The following VTCN1 variants were observed in gnomAD, a reference collection of about 807,000 sequenced individuals.
VTCN1 encodes V-set domain containing T cell activation inhibitor 1, also known as V-set domain-containing T-cell activation inhibitor 1.
In VTCN1, 26 loss-of-function variants were observed where a neutral mutation model predicts 26.5. The observed-to-expected ratio is 0.98, with a 90% CI of 0.72 to 1.36. VTCN1 has a LOEUF of 1.36. Among genes scored for constraint, VTCN1 ranks in the 40% most tolerant of loss-of-function variants. The pLI is 0.00. For missense variants in VTCN1, 298 were observed against 337.7 expected (o/e 0.88, Z 0.92); for synonymous variants, 116 against 130.7 (o/e 0.89, Z 0.77).
At chr1:117,180,015 G>C (rs1049929903) in intron 1 of VTCN1, among the ~76,000 whole-genome samples, 2 of 152,078 alleles carry the variant, frequency 1.3e-5, no homozygotes, top group Non-Finnish European at 2.9e-5. Context: ...CAAAAGACTT[G>C]TAAATCTTGG....
intron 1 of VTCN1, among the ~76,000 whole-genome samples, chr1:117,192,545 T>C (rs1437468307): frequency 6.6e-6 from 1 of 152,198 alleles, no homozygotes; most frequent in Non-Finnish European, 1.5e-5. Context: ...AACTGTAGTA[T>C]AAAAGTTAAA....
chr1:117,157,051 T>C, intron 2 of VTCN1, 130 bp from the exon 3 acceptor site: 2 of 1,536,638 alleles, frequency 1.3e-6, no homozygotes, highest in Non-Finnish European at 1.8e-6. Context: ...TGAGAGGCAA[T>C]AAGAAGACAA....
chr1:117,201,568 C>G (rs1648788855), intron 1 of VTCN1, among the ~76,000 whole-genome samples: 1 of 152,194 alleles, frequency 6.6e-6, no homozygotes, highest in South Asian at 2.1e-4. Flanking sequence ...CCCTAATATT[C>G]CTTGCATACT....
Position 117,146,289 on chromosome 1 carries a change from C to G in VTCN1, c.*46-1064G>C, listed in dbSNP as rs1311792004. 6.6e-6 allele frequency among the ~76,000 whole-genome samples: 1 copy of G among 152,158 alleles called. No individual in the cohort carries two copies. Among genetic ancestry groups the G allele is most frequent in the Non-Finnish European group, 1.5e-5 (1 of 68,036 alleles). Reference sequence around the variant, plus strand: ...TCCTTAGGGAAATCTCTGCTGACAACTGTGGAGGATTGGAAATGATGAAAA... The same window carrying G: ...TCCTTAGGGAAATCTCTGCTGACAAGTGTGGAGGATTGGAAATGATGAAAA... On this transcript the variant is annotated intron_variant, in intron 5 of 5. Coordinates refer to ENST00000369458, the MANE Select transcript of VTCN1 (RefSeq NM_024626.4). The surrounding 1 kb of genome is among the most constrained non-coding windows in gnomAD (Gnocchi z 4.2).
Position 117,159,456 on chromosome 1 carries a change from T to A in VTCN1, c.98-2535A>T, listed in dbSNP as rs549621829. 6.6e-6 allele frequency among the ~76,000 whole-genome samples: 1 copy of A among 152,356 alleles called. No individual in the cohort carries two copies. Among genetic ancestry groups the A allele is most frequent in the East Asian group, 1.9e-4 (1 of 5,188 alleles). On this transcript the variant is annotated intron_variant, in intron 2 of 5. Coordinates refer to ENST00000369458, the MANE Select transcript of VTCN1 (RefSeq NM_024626.4). This position sits in a 1 kb window ranked among gnomAD's most constrained non-coding sequence, Gnocchi z 4.7. ...AACAGTATGGGGGGAACCACCCCCA[T>A]GATTCAAATGATCTCCCACCAGGTC...
At chr1:117,174,006 C>T (rs1653067125) in intron 1 of VTCN1, among the ~76,000 whole-genome samples, 1 of 152,208 alleles carries the variant, frequency 6.6e-6, no homozygotes, top group Admixed American at 6.5e-5. Flanking sequence ...ATTCAACTTC[C>T]AGAGCCTTGG....
At chr1:117,165,578 T>C (rs1193455277) in intron 2 of VTCN1, among the ~76,000 whole-genome samples, 1 of 152,034 alleles carries the variant, frequency 6.6e-6, no homozygotes, top group Non-Finnish European at 1.5e-5. Flanking sequence ...CCACTCTCTC[T>C]CCCTCTTGCT....
At chr1:117,188,730 C>T (rs936988341) in intron 1 of VTCN1, among the ~76,000 whole-genome samples, 2 of 152,178 alleles carry the variant, frequency 1.3e-5, no homozygotes, top group African/African-American at 4.8e-5. Flanking sequence ...AGCCCAGCTG[C>T]ATGGCAGCCC....
chr1:117,164,451 G>C (rs1003942324), intron 2 of VTCN1, among the ~76,000 whole-genome samples: 4 of 152,164 alleles, frequency 2.6e-5, no homozygotes, highest in African/African-American at 4.8e-5. Context: ...GGCTTCAAAG[G>C]AGGCCTTTCC....
chr1:117,147,554 C>T lies in VTCN1; in HGVS notation c.*45+59G>A. ...CTGATGCTGAAGGCTATCCGACTCT[C>T]ATTAGGAGCACAAGCACCCACAGAA... On this transcript the variant is annotated intron_variant, in intron 5 of 5. Coordinates refer to ENST00000369458, the MANE Select transcript of VTCN1 (RefSeq NM_024626.4). This position sits in a 1 kb window ranked among gnomAD's most constrained non-coding sequence, Gnocchi z 4.6. 6.9e-7 allele frequency: 1 copy of T among 1,441,208 alleles called. No homozygotes were observed. The highest frequency in any genetic ancestry group is 9.4e-7 in the Non-Finnish European group (1 of 1,067,752). 89.3% of individuals were successfully genotyped at this position (1,441,208 alleles called of 1,614,324 possible).
At chr1:117,208,558 G>A (rs1414937853) in intron 1 of VTCN1, among the ~76,000 whole-genome samples, 1 of 152,192 alleles carries the variant, frequency 6.6e-6, no homozygotes, top group Admixed American at 6.5e-5. Context: ...GACACAGTGA[G>A]TGCTCAGTTA....
intron 1 of VTCN1, among the ~76,000 whole-genome samples, chr1:117,176,816 A>G (rs1001985484): frequency 2.6e-5 from 4 of 152,218 alleles, no homozygotes; most frequent in Non-Finnish European, 5.9e-5. Context: ...GAGGAGATTA[A>G]GGCTGAGTGT....
intron 1 of VTCN1, among the ~76,000 whole-genome samples, chr1:117,202,392 T>C (rs1338113918): frequency 6.6e-6 from 1 of 151,936 alleles, no homozygotes; most frequent in Admixed American, 6.6e-5. Context: ...CAGGGGAGTG[T>C]AGTGTCATGG....
intron 4 of VTCN1, among the ~76,000 whole-genome samples, chr1:117,148,772 C>A (rs189848949): frequency 5.3e-5 from 8 of 152,214 alleles, no homozygotes; most frequent in Admixed American, 5.2e-4. Context: ...CAAAATATCA[C>A]CTTTAGTGCT....
chr1:117,154,783 C>CAAAAAAAAAAAAAAAAA (rs916361996), intron 3 of VTCN1, among the ~76,000 whole-genome samples: 2 of 39,858 alleles, frequency 5.0e-5, no homozygotes, highest in African/African-American at 1.7e-4. Context: ...AACTCCATCT[C>CAAAAAAAAAAAAAAAAA]AAAAAAAAAA....
intron 1 of VTCN1, chr1:117,172,477 GC>G: frequency 1.9e-6 from 1 of 518,790 alleles, no homozygotes; most frequent in Non-Finnish European, 3.9e-6. Flanking sequence ...ATAGCGAGAG[GC>G]ACCATCTGCT....
chr1:117,158,896 CA>C (rs1444193986), intron 2 of VTCN1, among the ~76,000 whole-genome samples: 1 of 152,126 alleles, frequency 6.6e-6, no homozygotes, highest in Admixed American at 6.5e-5. Context: ...ATCTCGAGGG[CA>C]GGGGCAAAAC....
At chr1:117,206,360 G>A (rs1179079204) in intron 1 of VTCN1, among the ~76,000 whole-genome samples, 1 of 152,158 alleles carries the variant, frequency 6.6e-6, no homozygotes, top group African/African-American at 2.4e-5. Flanking sequence ...ACCATGGATT[G>A]TAGAGGGAGT....
intron 1 of VTCN1, among the ~76,000 whole-genome samples, chr1:117,201,633 G>A (rs962393031): frequency 1.3e-5 from 2 of 152,208 alleles, no homozygotes; most frequent in Admixed American, 6.5e-5. Context: ...GCCCCTTTAT[G>A]GGGAAGCACC....
Sources: allele counts gnomAD v4.1 joint callset (sites outside exome capture counted in the v4.1 genomes callset), GRCh38; gene constraint gnomAD v4.1.1; non-coding constraint Gnocchi (gnomAD v3.1); transcripts MANE v1.5; gene names NCBI Gene and HGNC (gene_info 2026-07-23, HGNC 2026-07-21).